DOCK1: variants seen among roughly 807,000 people sequenced by gnomAD.
DOCK1 encodes the protein dedicator of cytokinesis protein 1.
Under a neutral mutation model 262.7 loss-of-function variants are expected in DOCK1, and 138 were observed. The ratio of observed to expected loss-of-function variants is 0.53; its 90% confidence interval spans 0.46 to 0.61. DOCK1 has a LOEUF of 0.61. DOCK1 is among the 20% of genes least tolerant of loss of function. The probability of loss-of-function intolerance (pLI) is 0.00; values close to 1 mark genes in which losing one functional copy is unlikely to be tolerated. For synonymous variants in DOCK1, 866 were observed against 867.4 expected (o/e 1.00, Z 0.03); for missense variants, 1,908 against 2,370.7 (o/e 0.80, Z 4.05).
At chr10:126,964,233 C>T (rs2134588593) in intron 1 of DOCK1, among the ~76,000 whole-genome samples, 1 of 152,320 alleles carries the variant, frequency 6.6e-6, no homozygotes, top group African/African-American at 2.4e-5. Flanking sequence ...TCCTGAATGG[C>T]TCAGTGAAAG....
At chr10:127,121,472 T>TGTGTGTGTGTGTGC (rs2049569281) in intron 25 of DOCK1, among the ~76,000 whole-genome samples, 1 of 152,080 alleles carries the variant, frequency 6.6e-6, no homozygotes, top group Admixed American at 6.6e-5. Context: ...TGTGTGTGTG[T>TGTGTGTGTGTGTGC]GTGTCTATCT....
intron 47 of DOCK1, among the ~76,000 whole-genome samples, chr10:127,428,036 T>C (rs2068936419): frequency 1.3e-5 from 2 of 152,214 alleles, no homozygotes; most frequent in Non-Finnish European, 1.5e-5. Flanking sequence ...GGATCCTTTG[T>C]GCAAGTCAGA....
chr10:127,198,122 T>C (rs2057298388), intron 27 of DOCK1, among the ~76,000 whole-genome samples: 1 of 152,168 alleles, frequency 6.6e-6, no homozygotes. Context: ...TGGAAAGAGA[T>C]GCTTAATTTT....
chr10:127,051,069 A>G (rs1239954326), intron 21 of DOCK1, among the ~76,000 whole-genome samples: 2 of 152,134 alleles, frequency 1.3e-5, no homozygotes, highest in Admixed American at 6.5e-5. Context: ...CCAACTGTCT[A>G]TAATTACTTC....
At chr10:127,130,036 G>A (rs569081042) in intron 27 of DOCK1, among the ~76,000 whole-genome samples, 1 of 149,810 alleles carries the variant, frequency 6.7e-6, no homozygotes, top group South Asian at 2.1e-4. Context: ...CTCTAGTTGG[G>A]GCACAATCCT....
At chr10:127,036,981 G>GGAAAAAA (rs2043669280) in intron 18 of DOCK1, among the ~76,000 whole-genome samples, 1 of 128,036 alleles carries the variant, frequency 7.8e-6, no homozygotes, top group Non-Finnish European at 1.6e-5. Flanking sequence ...CCATCTCAAG[G>GGAAAAAA]AAAAAAAAAA....
chr10:127,231,536 C>T (rs113800717), intron 27 of DOCK1, among the ~76,000 whole-genome samples: 2,768 of 152,164 alleles, frequency 0.018, 98 homozygotes, highest in African/African-American at 0.064. Flanking sequence ...TCTTCTTCCT[C>T]AGCCTCCCCA....
At chr10:127,187,573 C>T (rs147531342) in intron 27 of DOCK1, among the ~76,000 whole-genome samples, 1 of 151,888 alleles carries the variant, frequency 6.6e-6, no homozygotes, top group African/African-American at 2.4e-5. Context: ...CATATCCTGC[C>T]ACGTAGAAGA....
At position 127,230,876 on chromosome 10, in the gene DOCK1, G is replaced by A. The variant is rs114890956; in HGVS notation, c.2848-17132G>A. ...CATTGGAATTTTGAATAGGACTTGC[G>A]TTGGATCTGTAGATAACTTTGGGTA... On this transcript the variant is annotated intron_variant, in intron 27 of 51. Coordinates refer to ENST00000623213, the MANE Select transcript of DOCK1 (RefSeq NM_001290223.2). 6.1e-3 allele frequency among the ~76,000 whole-genome samples: 926 copies of A among 151,902 alleles called. 15 individuals are homozygous for A. The highest frequency in any genetic ancestry group is 0.021 in the African/African-American group (880 of 41,454).
intron 1 of DOCK1, among the ~76,000 whole-genome samples, chr10:126,949,721 C>T (rs1425193612): frequency 6.6e-6 from 1 of 152,108 alleles, no homozygotes; most frequent in Non-Finnish European, 1.5e-5. Flanking sequence ...GAATATTTCA[C>T]CTAAAAAGGA....
intron 27 of DOCK1, among the ~76,000 whole-genome samples, chr10:127,212,803 C>T (rs1291765222): frequency 1.4e-4 from 21 of 149,146 alleles, no homozygotes; most frequent in African/African-American, 4.9e-4. Flanking sequence ...TTCTCCCCAC[C>T]CCTTGCCAAA....
intron 28 of DOCK1, among the ~76,000 whole-genome samples, chr10:127,254,612 T>G (rs545173932): frequency 3.9e-5 from 6 of 152,346 alleles, no homozygotes; most frequent in African/African-American, 1.4e-4. Context: ...CCTTTGCAAT[T>G]GTCAGATAAT....
At chr10:127,182,787 C>T (rs2055857786) in intron 27 of DOCK1, among the ~76,000 whole-genome samples, 1 of 152,050 alleles carries the variant, frequency 6.6e-6, no homozygotes, top group African/African-American at 2.4e-5. Flanking sequence ...TGTTTCCCAT[C>T]ATCATGACAG....
At chr10:127,046,084 A>ATTTTTT (rs1242123583) in intron 21 of DOCK1, among the ~76,000 whole-genome samples, 1 of 151,836 alleles carries the variant, frequency 6.6e-6, no homozygotes, top group Non-Finnish European at 1.5e-5. Flanking sequence ...GCAAATCATT[A>ATTTTTT]TTATTTTTCT....
intron 27 of DOCK1, among the ~76,000 whole-genome samples, chr10:127,217,447 T>C (rs1301730475): frequency 3.9e-5 from 6 of 152,236 alleles, no homozygotes; most frequent in South Asian, 4.1e-4. Context: ...TTCAGCTTGC[T>C]GGACTTGGCC....
At chr10:127,403,021 G>A (rs944608551) in intron 38 of DOCK1, 34 bp from the exon 39 acceptor site, 10 of 1,573,656 alleles carry the variant, frequency 6.4e-6, no homozygotes, top group South Asian at 3.5e-5. Flanking sequence ...TTCAGGCCTC[G>A]GCTTCTCTTT....
At chr10:127,090,675 C>T (rs2047466758) in intron 23 of DOCK1, among the ~76,000 whole-genome samples, 1 of 152,180 alleles carries the variant, frequency 6.6e-6, no homozygotes, top group Admixed American at 6.5e-5. Flanking sequence ...TTCACACTGC[C>T]TGGCAACCAC....
intron 23 of DOCK1, among the ~76,000 whole-genome samples, chr10:127,072,540 G>A (rs539959878): frequency 2.0e-5 from 3 of 152,208 alleles, no homozygotes; most frequent in African/African-American, 7.2e-5. Flanking sequence ...AAGTAGTTTA[G>A]GGGTTCAAAG....
intron 27 of DOCK1, among the ~76,000 whole-genome samples, chr10:127,186,639 CAT>C (rs2056300828): frequency 6.6e-6 from 1 of 151,298 alleles, no homozygotes; most frequent in African/African-American, 2.4e-5. Flanking sequence ...GGGGCATAAA[CAT>C]ATGAATGAAA....
Sources: gnomAD v4.1 joint callset for allele counts (sites outside exome capture counted in the v4.1 genomes callset) on GRCh38, gnomAD v4.1.1 for gene constraint, MANE v1.5 for transcripts, NCBI Gene and HGNC (gene_info 2026-07-23, HGNC 2026-07-21) for gene names.